The following EIF2AK2 variants were observed in gnomAD, a reference collection of about 807,000 sequenced individuals.
EIF2AK2 encodes the protein eukaryotic translation initiation factor 2 alpha kinase 2.
A neutral mutation model predicts 70.5 loss-of-function variants in EIF2AK2; 40 were observed. The ratio of observed to expected loss-of-function variants is 0.57; its 90% CI spans 0.44 to 0.74. EIF2AK2 has a LOEUF of 0.74. Ranked by LOEUF, EIF2AK2 falls within the 30% of genes least tolerant of loss-of-function variation. EIF2AK2 has a pLI of 0.00. For synonymous variants in EIF2AK2, 198 were observed against 220.9 expected (o/e 0.90, Z 0.92); for missense variants, 555 against 644.3 (o/e 0.86, Z 1.50).
chr2:37,123,026 G>T (rs1674609225), intron 11 of EIF2AK2, among the ~76,000 whole-genome samples: 1 of 151,826 alleles, frequency 6.6e-6, no homozygotes, highest in Non-Finnish European at 1.5e-5. Context: ...AATTTAGCTG[G>T]GCACAGTGGC....
chr2:37,147,582 C>G lies in EIF2AK2; in HGVS notation c.119+106G>C, dbSNP rs570636616. 4 of 651,730 alleles carry G rather than the reference C, an allele frequency of 6.1e-6. No homozygotes were observed. The African/African-American group carries it at 7.5e-5, about 12-fold the overall frequency. 40.4% of individuals were successfully genotyped at this position (651,730 alleles called of 1,614,324 possible). On this transcript the variant is annotated intron_variant, in intron 3 of 16. Coordinates refer to ENST00000233057, the MANE Select transcript of EIF2AK2 (RefSeq NM_001135651.3). ...GCGGTGTTTGGTTTTTTTGTCCTTG[C>G]GATAGTTTGCTGAGAATAATGGTTT...
At chr2:37,152,806 G>A (rs1341899733) in intron 1 of EIF2AK2, among the ~76,000 whole-genome samples, 2 of 152,098 alleles carry the variant, frequency 1.3e-5, no homozygotes, top group African/African-American at 4.8e-5. Context: ...CATCTTGAAC[G>A]AACTTTAAAC....
chr2:37,130,311 T>C (rs1163254996), intron 10 of EIF2AK2, among the ~76,000 whole-genome samples: 1 of 152,056 alleles, frequency 6.6e-6, no homozygotes, highest in African/African-American at 2.4e-5. Flanking sequence ...CATGTTGGCC[T>C]AGACTGGTCT....
intron 14 of EIF2AK2, among the ~76,000 whole-genome samples, chr2:37,114,331 T>C (rs1017125607): frequency 6.6e-6 from 1 of 151,720 alleles, no homozygotes; most frequent in East Asian, 1.9e-4. Flanking sequence ...ACAAAAAATA[T>C]TAAATTTAAA....
chr2:37,130,227 G>A (rs1420043927), intron 10 of EIF2AK2, among the ~76,000 whole-genome samples: 1 of 152,118 alleles, frequency 6.6e-6, no homozygotes, highest in Non-Finnish European at 1.5e-5. Context: ...TCAGCCTCTT[G>A]AGTAGCTGGG....
chr2:37,124,245 G>A (rs772166298), intron 11 of EIF2AK2, among the ~76,000 whole-genome samples: 5 of 151,928 alleles, frequency 3.3e-5, no homozygotes, highest in Non-Finnish European at 7.4e-5. Flanking sequence ...TAGGATTACA[G>A]GCCTGAGCCA....
chr2:37,126,135 G>T (rs1053520736), intron 11 of EIF2AK2, among the ~76,000 whole-genome samples, 154 bp downstream of exon 11: 16 of 152,054 alleles, frequency 1.1e-4, no homozygotes, highest in African/African-American at 3.9e-4. Flanking sequence ...GATCATCTCG[G>T]AGTAAGCCAA....
chr2:37,117,969 G>A (rs1011580707), intron 13 of EIF2AK2, among the ~76,000 whole-genome samples: 2 of 152,178 alleles, frequency 1.3e-5, no homozygotes, highest in Non-Finnish European at 2.9e-5. Context: ...AACAACTGTA[G>A]TAGTGAGAGC....
chr2:37,123,058 C>G (rs372240947), intron 11 of EIF2AK2, among the ~76,000 whole-genome samples: 41 of 152,004 alleles, frequency 2.7e-4, no homozygotes, highest in African/African-American at 9.6e-4. Flanking sequence ...ATCCCAGCTA[C>G]TTGGGAGGCT....
At chr2:37,145,613 G>T (rs1270653149) in intron 4 of EIF2AK2, among the ~76,000 whole-genome samples, 1 of 152,030 alleles carries the variant, frequency 6.6e-6, no homozygotes, top group Non-Finnish European at 1.5e-5. Flanking sequence ...GTCTACAGTG[G>T]TAAACAATAA....
chr2:37,141,749 T>G (rs1675341423), intron 4 of EIF2AK2, 48 bp from the exon 5 acceptor site: 1 of 1,515,916 alleles, frequency 6.6e-7, no homozygotes, highest in African/African-American at 1.4e-5. Context: ...AACAAAGATT[T>G]AACCTTTTAA....
chr2:37,155,177 GC>G (rs1412308891), intron 1 of EIF2AK2, among the ~76,000 whole-genome samples: 1 of 152,034 alleles, frequency 6.6e-6, no homozygotes, highest in Non-Finnish European at 1.5e-5. Flanking sequence ...CTCCTAAAAT[GC>G]CCTTGACTCT....
At chr2:37,124,901 A>AT (rs1266986038) in intron 11 of EIF2AK2, among the ~76,000 whole-genome samples, 2 of 151,794 alleles carry the variant, frequency 1.3e-5, no homozygotes, top group African/African-American at 4.8e-5. Flanking sequence ...TAATTACTGT[A>AT]TTTTTTGTAG....
In EIF2AK2 at chr2:37,105,900, A is replaced by G. The variant is rs1673950538; in HGVS notation, c.*1373T>C. ...CTAGCCCTGTGCTCAGCAGAAAGCC[A>G]TCTTACCCTTCCCGATGGACTATTT... On this transcript the variant is annotated 3_prime_UTR_variant, in exon 17 of 17. Coordinates refer to ENST00000233057, the MANE Select transcript of EIF2AK2 (RefSeq NM_001135651.3). The G allele has an allele frequency of 6.6e-6, 1 of 152,244 alleles. No individual in the cohort carries two copies. The highest frequency in any genetic ancestry group is 2.4e-5 in the African/African-American group (1 of 41,460). The allele number at this position is 152,244 out of a possible 1,614,324, so 9.4% of individuals were successfully genotyped here. A position where few individuals can be genotyped will look rare whatever the true frequency, so the allele number is the denominator to read the frequency against.
chr2:37,110,967 TAGTC>T (rs1356403109), intron 14 of EIF2AK2, among the ~76,000 whole-genome samples: 1 of 152,232 alleles, frequency 6.6e-6, no homozygotes, highest in Non-Finnish European at 1.5e-5. Flanking sequence ...TGGAATTCAT[TAGTC>T]AGCCTTAAAA....
In EIF2AK2 at chr2:37,141,611, T is replaced by C; in HGVS notation, c.331A>G (p.Lys111Glu). ...TCATAATTTACAGTTAGTCTTTTCTTCTGGGCAATTCTATTGATAAGGCCT... is the reference window on the plus strand; with the variant it reads ...TCATAATTTACAGTTAGTCTTTTCTCCTGGGCAATTCTATTGATAAGGCCT... ...YIGLINRIAQ[K>E]KRLTVNYEQC... The change falls in exon 5 of 17, where the codon AAG becomes GAG. Residue 111 changes from lysine to glutamate, a missense_variant. Physicochemically the swap from Lys to Glu is moderately conservative, Grantham distance 56. Transcript: ENST00000233057. The C allele has an allele frequency of 6.2e-7, 1 of 1,614,168 alleles. No individual in the cohort carries two copies. The highest frequency in any genetic ancestry group is 8.5e-7 in the Non-Finnish European group (1 of 1,180,010).
chr2:37,129,412 C>A (rs13410628), intron 10 of EIF2AK2, among the ~76,000 whole-genome samples: 14,277 of 152,058 alleles, frequency 0.094, 801 homozygotes, highest in South Asian at 0.13. Context: ...AACAGGGACA[C>A]CTTCCCCATT....
intron 12 of EIF2AK2, among the ~76,000 whole-genome samples, chr2:37,120,434 T>G (rs1674499061): frequency 7.5e-6 from 1 of 133,852 alleles, no homozygotes; most frequent in South Asian, 2.4e-4. Context: ...GTGAACCCGG[T>G]AGGCGGAGCT....
At chr2:37,135,740 C>T (rs1199448234) in intron 9 of EIF2AK2, among the ~76,000 whole-genome samples, 194 bp from the exon 10 acceptor site, 1 of 152,156 alleles carries the variant, frequency 6.6e-6, no homozygotes, top group Non-Finnish European at 1.5e-5. Flanking sequence ...AGGAGATCCT[C>T]CCACCTCAGC....
Sources: gnomAD v4.1 joint callset for allele counts (sites outside exome capture counted in the v4.1 genomes callset) on GRCh38, gnomAD v4.1.1 for gene constraint, MANE v1.5 for transcripts, NCBI Gene and HGNC (gene_info 2026-07-23, HGNC 2026-07-21) for gene names.